CFHR5: variants seen among roughly 807,000 people sequenced by gnomAD.
CFHR5 encodes the protein complement factor H related 5.
CFHR5 carries 73 observed loss-of-function variants against 62.9 expected under a neutral mutation model. The observed-to-expected ratio is 1.16, with a 90% CI of 0.96 to 1.41. The LOEUF is 1.41. Among genes scored for constraint, CFHR5 ranks in the 40% most tolerant of loss-of-function variants. CFHR5 has a pLI of 0.00. For missense variants in CFHR5, 779 were observed against 679.9 expected, an observed-to-expected ratio of 1.15 and a Z score of -1.62; for synonymous variants, 249 against 227.2, an observed-to-expected ratio of 1.10 and a Z score of -0.86.
At chr1:196,999,705 A>ATATAAATATATATATATATT (rs1654084596) in intron 7 of CFHR5, among the ~76,000 whole-genome samples, 2 of 52,752 alleles carry the variant, frequency 3.8e-5, no homozygotes, top group African/African-American at 9.9e-5. Flanking sequence ...ATATATATAT[A>ATATAAATATATATATATATT]TATATATATA....
intron 7 of CFHR5, among the ~76,000 whole-genome samples, chr1:196,999,664 T>A (rs1654079830): frequency 7.2e-6 from 1 of 138,224 alleles, no homozygotes; most frequent in Non-Finnish European, 1.5e-5. Context: ...AGTCTTAAAC[T>A]TATCTATTTT....
chr1:197,004,614 T>A (rs1654236643), intron 8 of CFHR5, 47 bp from the exon 9 acceptor site: 1 of 1,415,274 alleles, frequency 7.1e-7, no homozygotes, highest in Non-Finnish European at 1.0e-6. Flanking sequence ...TTATATTATT[T>A]TGTTTAAACT....
At chr1:197,005,525 G>A (rs1263794315) in intron 9 of CFHR5, among the ~76,000 whole-genome samples, 1 of 152,144 alleles carries the variant, frequency 6.6e-6, no homozygotes, top group Non-Finnish European at 1.5e-5. Flanking sequence ...GGCTTAAAAG[G>A]AGATTCTTTT....
intron 9 of CFHR5, among the ~76,000 whole-genome samples, chr1:197,007,683 T>G (rs1654325554): frequency 6.8e-6 from 1 of 147,654 alleles, no homozygotes. Context: ...TAAATATACA[T>G]AAGTATGTAT....
chr1:196,975,848 G>A (rs565128982), upstream of CFHR5, among the ~76,000 whole-genome samples: 9 of 152,270 alleles, frequency 5.9e-5, no homozygotes, highest in African/African-American at 2.2e-4. Context: ...GCAAAGGATT[G>A]AGGTTTTCTA....
intron 1 of CFHR5, among the ~76,000 whole-genome samples, chr1:196,980,182 T>C (rs1339638287): frequency 6.6e-6 from 1 of 152,064 alleles, no homozygotes; most frequent in Non-Finnish European, 1.5e-5. Context: ...TCCTCTCCTA[T>C]GATAACAAAG....
Position 196,989,650 on chromosome 1 carries a change from G to T in CFHR5, c.431-4430G>T, listed in dbSNP as rs534653806. ...TTACCTGGTAGTCATTCAGGAGCAG[G>T]GTGTTCAGTTTCCATGTAGTGGTGC... On this transcript the variant is annotated intron_variant, in intron 3 of 9. Transcript: ENST00000256785. Among the ~76,000 whole-genome samples the T allele has an allele frequency of 5.9e-5, 9 of 152,178 alleles. No individual in the cohort carries two copies. The East Asian group carries it at 1.7e-3, about 29-fold the overall frequency.
intron 2 of CFHR5, 99 bp from the exon 3 acceptor site, chr1:196,983,862 G>T: frequency 1.3e-6 from 1 of 759,596 alleles, no homozygotes; most frequent in Non-Finnish European, 2.2e-6. Context: ...ATTTACACAT[G>T]ATGTCAGTTT....
chr1:196,982,318 A>G (rs1171362425), intron 1 of CFHR5, among the ~76,000 whole-genome samples: 2 of 152,184 alleles, frequency 1.3e-5, no homozygotes, highest in African/African-American at 4.8e-5. Flanking sequence ...GTTCTTGAAG[A>G]CATTGCAGAA....
intron 7 of CFHR5, among the ~76,000 whole-genome samples, chr1:197,001,311 C>A (rs1654147172): frequency 6.6e-6 from 1 of 152,144 alleles, no homozygotes; most frequent in East Asian, 1.9e-4. Flanking sequence ...AAGGAAAAAT[C>A]CAGTATAAAA....
chr1:197,002,531 G>C lies in CFHR5; in HGVS notation c.1197G>C (p.Gln399His), dbSNP rs1377275404. Residue 399 changes from glutamine (Q) to histidine (H), a missense_variant, in exon 8 of 10, where the codon CAG becomes CAC. Coordinates refer to ENST00000256785, the MANE Select transcript of CFHR5 (RefSeq NM_030787.4). ...CGCCACCTCAGATACCTAATGCTCA[G>C]AATATGACAACCACAGTGAATTATC... ...CPPPPQIPNA[Q>H]NMTTTVNYQD... 1.9e-6 allele frequency: 3 copies of C among 1,613,662 alleles called. No homozygotes were observed. The highest frequency in any genetic ancestry group is 2.5e-6 in the Non-Finnish European group (3 of 1,179,780).
At chr1:196,984,182 A>C (rs1210828503) in intron 3 of CFHR5, 45 bp downstream of exon 3, 1 of 1,487,398 alleles carries the variant, frequency 6.7e-7, no homozygotes, top group Admixed American at 1.7e-5. Context: ...TATTTAAAGA[A>C]ATAAATCTAT....
upstream of CFHR5, among the ~76,000 whole-genome samples, chr1:196,976,787 G>C (rs1040670425): frequency 2.8e-4 from 41 of 148,354 alleles, 1 homozygote; most frequent in Middle Eastern, 0.01. Context: ...ACGTTACTTG[G>C]CAAAAATTAT....
At chr1:197,002,730 A>T in intron 8 of CFHR5, 66 bp downstream of exon 8, 1 of 1,337,020 alleles carries the variant, frequency 7.5e-7, no homozygotes, top group Non-Finnish European at 1.1e-6. Context: ...GCTTTATCTA[A>T]AGAAAGAAAC....
chr1:196,984,754 A>G (rs1239804143), intron 3 of CFHR5, among the ~76,000 whole-genome samples: 1 of 152,150 alleles, frequency 6.6e-6, no homozygotes, highest in Non-Finnish European at 1.5e-5. Flanking sequence ...TACACACCTC[A>G]GTATTCAACC....
At chr1:196,978,487 T>C (rs765011971) in intron 1 of CFHR5, among the ~76,000 whole-genome samples, 5 of 152,164 alleles carry the variant, frequency 3.3e-5, no homozygotes, top group Non-Finnish European at 7.4e-5. Context: ...TGCTATATAC[T>C]CTTTGATTTC....
At chr1:196,987,580 T>C (rs1036976270) in intron 3 of CFHR5, among the ~76,000 whole-genome samples, 2 of 152,238 alleles carry the variant, frequency 1.3e-5, no homozygotes, top group African/African-American at 4.8e-5. Context: ...TTTCTACATA[T>C]GGCCAGGCAG....
At chr1:196,986,672 T>A (rs924525074) in intron 3 of CFHR5, among the ~76,000 whole-genome samples, 5 of 152,140 alleles carry the variant, frequency 3.3e-5, no homozygotes, top group Non-Finnish European at 7.3e-5. Flanking sequence ...TCCAGGTTCA[T>A]CCATGACCCT....
chr1:196,989,445 C>G (rs908039136), intron 3 of CFHR5, among the ~76,000 whole-genome samples: 1 of 152,076 alleles, frequency 6.6e-6, no homozygotes, highest in African/African-American at 2.4e-5. Flanking sequence ...TTCTCTAGTT[C>G]TTTCAATTGT....
Sources: gnomAD v4.1 joint callset for allele counts (sites outside exome capture counted in the v4.1 genomes callset) on GRCh38, gnomAD v4.1.1 for gene constraint, MANE v1.5 for transcripts, NCBI Gene and HGNC (gene_info 2026-07-23, HGNC 2026-07-21) for gene names.